TBC1D14: variants seen among roughly 807,000 people sequenced by gnomAD.
TBC1D14 encodes TBC1 domain family, member 14.
A neutral mutation model predicts 79.0 loss-of-function variants in TBC1D14; 26 were observed. That is an observed-to-expected ratio of 0.33 (90% CI 0.24 to 0.46). TBC1D14 has a LOEUF of 0.46. Among genes scored for constraint, TBC1D14 ranks in the 20% least tolerant of loss-of-function variants. The pLI is 1.00. For missense variants in TBC1D14, 769 were observed against 887.6 expected, an observed-to-expected ratio of 0.87 and a Z score of 1.70; for synonymous variants, 394 against 349.9, an observed-to-expected ratio of 1.13 and a Z score of -1.40.
chr4:6,988,885 C>CTTTCTTTTTTTTTTTTT (rs748889966), intron 3 of TBC1D14, among the ~76,000 whole-genome samples: 1 of 76,806 alleles, frequency 1.3e-5, no homozygotes, highest in Non-Finnish European at 2.3e-5. Context: ...TTCTTTCTTT[C>CTTTCTTTTTTTTTTTTT]TTTTTTTTTT....
At position 6,967,363 on chromosome 4, in the gene TBC1D14, A is replaced by G. The variant is rs143127303; in HGVS notation, c.782A>G (p.Lys261Arg). Residue 261 changes from lysine (K) to arginine (R), a missense_variant, in exon 3 of 14, where the codon AAG becomes AGG. Transcript: ENST00000409757. ...RLDKHNDLGW[K>R]LFGKAPLREN... Reference sequence around the variant, plus strand: ...GACAAACACAATGACTTGGGATGGAAGTTATTTGGGAAAGCGCCACTCCGA... The same window carrying G: ...GACAAACACAATGACTTGGGATGGAGGTTATTTGGGAAAGCGCCACTCCGA... 442 of 1,614,018 alleles carry G rather than the reference A, an allele frequency of 2.7e-4. No homozygotes were observed. Among genetic ancestry groups the G allele is most frequent in the Non-Finnish European group, 3.6e-4 (428 of 1,180,040 alleles).
intron 2 of TBC1D14, among the ~76,000 whole-genome samples, chr4:6,942,325 C>T (rs572286476): frequency 3.9e-4 from 60 of 152,194 alleles, no homozygotes; most frequent in Non-Finnish European, 3.8e-4. Flanking sequence ...TTATGTTGAG[C>T]GAGCTGGGTT....
intron 12 of TBC1D14, among the ~76,000 whole-genome samples, chr4:7,021,858 C>T (rs964733768): frequency 1.2e-4 from 18 of 152,308 alleles, no homozygotes; most frequent in South Asian, 4.1e-4. Flanking sequence ...GGGCCCTTCC[C>T]GTCCTGCTTC....
intron 10 of TBC1D14, among the ~76,000 whole-genome samples, chr4:7,010,300 A>G (rs1470048760): frequency 1.3e-5 from 2 of 152,232 alleles, no homozygotes; most frequent in African/African-American, 4.8e-5. Flanking sequence ...GTGCGCATGC[A>G]TGGTTTGATA....
At chr4:6,920,591 G>C (rs2108914155) in intron 1 of TBC1D14, among the ~76,000 whole-genome samples, 1 of 150,940 alleles carries the variant, frequency 6.6e-6, no homozygotes, top group East Asian at 1.9e-4. Context: ...AAAACCTTCA[G>C]CTCCTCTCTG....
chr4:6,976,614 T>A (rs192067146), intron 3 of TBC1D14, among the ~76,000 whole-genome samples: 2 of 152,322 alleles, frequency 1.3e-5, no homozygotes, highest in East Asian at 3.9e-4. Flanking sequence ...TCTCAGGTGA[T>A]GAAAAACGAA....
Position 6,923,887 on chromosome 4 carries a change from G to A in TBC1D14, c.498G>A (p.Leu166=). 6.2e-7 allele frequency: 1 copy of A among 1,614,164 alleles called. No homozygotes were observed. Among genetic ancestry groups the A allele is most frequent in the Non-Finnish European group, 8.5e-7 (1 of 1,180,046 alleles). The change falls in exon 2 of 14, where the codon CTG becomes CTA. Residue 166 remains leucine, a synonymous_variant. Transcript: ENST00000409757. ...GCGTGTCCAGTCTTGGGACAGAGCTGTCCACCACGCTGTCCGTCAGCAATG... is the reference window on the plus strand; with the variant it reads ...GCGTGTCCAGTCTTGGGACAGAGCTATCCACCACGCTGTCCGTCAGCAATG... ...VCSVSSLGTE[L]STTLSVSNED... is the part of the protein sequence containing the mutation.
intron 3 of TBC1D14, among the ~76,000 whole-genome samples, chr4:6,976,297 G>A (rs1716705549): frequency 6.6e-6 from 1 of 152,096 alleles, no homozygotes. Flanking sequence ...TTTAGCAAAA[G>A]ATAGAAACCT....
chr4:6,916,303 C>T (rs1024232620), intron 1 of TBC1D14, among the ~76,000 whole-genome samples: 1 of 152,016 alleles, frequency 6.6e-6, no homozygotes, highest in Non-Finnish European at 1.5e-5. Context: ...AGAGAGGAGC[C>T]GGGACAGGGA....
chr4:6,939,590 G>A (rs1040208412), intron 2 of TBC1D14, among the ~76,000 whole-genome samples: 8 of 152,136 alleles, frequency 5.3e-5, no homozygotes, highest in Non-Finnish European at 8.8e-5. Flanking sequence ...GCATACCTGC[G>A]TCAGTCTTGG....
At chr4:7,025,518 A>T (rs1722273597) in intron 13 of TBC1D14, among the ~76,000 whole-genome samples, 1 of 152,050 alleles carries the variant, frequency 6.6e-6, no homozygotes, top group Non-Finnish European at 1.5e-5. Flanking sequence ...TGGCATTGGG[A>T]GGGTCAGCAC....
intron 3 of TBC1D14, among the ~76,000 whole-genome samples, chr4:6,988,885 C>CTTTCTTTTT (rs748889966): frequency 1.8e-4 from 14 of 76,832 alleles, no homozygotes; most frequent in African/African-American, 3.3e-4. Flanking sequence ...TTCTTTCTTT[C>CTTTCTTTTT]TTTTTTTTTT....
At chr4:6,919,802 G>A (rs1288608999) in intron 1 of TBC1D14, among the ~76,000 whole-genome samples, 1 of 152,092 alleles carries the variant, frequency 6.6e-6, no homozygotes, top group Non-Finnish European at 1.5e-5. Context: ...TGTATTTTTA[G>A]TAGAGAGGGG....
intron 13 of TBC1D14, among the ~76,000 whole-genome samples, chr4:7,025,817 T>A (rs923343156): frequency 1.3e-5 from 2 of 152,176 alleles, no homozygotes; most frequent in Admixed American, 6.5e-5. Context: ...GCGCGGATAG[T>A]CCGTATCCCT....
intron 7 of TBC1D14, among the ~76,000 whole-genome samples, chr4:7,004,202 G>A (rs1425293805): frequency 1.3e-5 from 2 of 152,176 alleles, no homozygotes; most frequent in Non-Finnish European, 2.9e-5. Context: ...CAAACCACCC[G>A]AAGAGAGCTG....
Position 7,033,101 on chromosome 4 carries a change from A to G in TBC1D14, c.*2709A>G, listed in dbSNP as rs936356813. ...AGGTGGTTTTATTAAATAAAAGTCA[A>G]TGTAAAATTGTTACTTATGTTCACC... On this transcript the variant is annotated 3_prime_UTR_variant, in exon 14 of 14. Coordinates refer to ENST00000409757, the MANE Select transcript of TBC1D14 (RefSeq NM_020773.3). 6 of 152,696 alleles carry G rather than the reference A, an allele frequency of 3.9e-5. No individual in the cohort carries two copies. The highest frequency in any genetic ancestry group is 9.6e-5 in the African/African-American group (4 of 41,470). The allele number at this position is 152,696 out of a possible 1,614,324, so 9.5% of individuals were successfully genotyped here. A position where few individuals can be genotyped will look rare whatever the true frequency, so the allele number is the denominator to read the frequency against.
rs577356344 is a variant in TBC1D14, at chr4:6,998,727, C to T, written c.1046-358C>T. 5.6e-5 allele frequency: 11 copies of T among 197,334 alleles called. No individual in the cohort carries two copies. In the East Asian group the frequency reaches 1.1e-3, roughly 19 times the overall value. The allele number at this position is 197,334 out of a possible 1,614,324, so 12.2% of individuals were successfully genotyped here. A position where few individuals can be genotyped will look rare whatever the true frequency, so the allele number is the denominator to read the frequency against. On this transcript the variant is annotated intron_variant, in intron 5 of 13. Transcript: ENST00000409757. ...CTAATTTTTGTATTTTTAGTAGAGACGGGATTTCACCACTTTGGCCGGGCT... is the reference window on the plus strand; with the variant it reads ...CTAATTTTTGTATTTTTAGTAGAGATGGGATTTCACCACTTTGGCCGGGCT...
intron 2 of TBC1D14, among the ~76,000 whole-genome samples, chr4:6,938,782 G>A (rs896963516): frequency 1.3e-5 from 2 of 152,212 alleles, no homozygotes; most frequent in Admixed American, 6.5e-5. Context: ...GAGAGATGCC[G>A]GGGTGAGCAT....
chr4:7,018,508 C>G (rs1050519258), intron 12 of TBC1D14, among the ~76,000 whole-genome samples: 1 of 152,238 alleles, frequency 6.6e-6, no homozygotes, highest in Non-Finnish European at 1.5e-5. Flanking sequence ...CAAGAGTCAC[C>G]TCTGTGTCCC....
Sources: allele counts gnomAD v4.1 joint callset (sites outside exome capture counted in the v4.1 genomes callset), GRCh38; gene constraint gnomAD v4.1.1; transcripts MANE v1.5; gene names NCBI Gene and HGNC (gene_info 2026-07-23, HGNC 2026-07-21).